Variants in ERBB4 observed in about 807,000 individuals in gnomAD.
ERBB4 encodes the protein erb-b2 receptor tyrosine kinase 4.
In ERBB4, 42 loss-of-function variants were observed where a neutral mutation model predicts 158.0. That is an observed-to-expected ratio of 0.27 (90% confidence interval 0.21 to 0.34). ERBB4 has a LOEUF of 0.34. ERBB4 is among the 10% of genes least tolerant of loss of function. ERBB4 has a pLI of 1.00. For synonymous variants in ERBB4, 583 were observed against 558.7 expected (o/e 1.04, Z -0.61); for missense variants, 1,333 against 1,624.1 (o/e 0.82, Z 3.08).
intron 3 of ERBB4, among the ~76,000 whole-genome samples, chr2:211,922,038 A>G (rs569635964): frequency 2.0e-5 from 3 of 152,224 alleles, no homozygotes; most frequent in African/African-American, 7.2e-5. Flanking sequence ...TTTGAGGAAT[A>G]AATAGGAGTT....
chr2:212,293,870 AAAAC>A (rs1400818077), intron 1 of ERBB4, among the ~76,000 whole-genome samples: 38 of 146,676 alleles, frequency 2.6e-4, no homozygotes, highest in African/African-American at 6.1e-4. Context: ...AAAAAAAAAA[AAAAC>A]ATACATTTGT....
intron 1 of ERBB4, among the ~76,000 whole-genome samples, chr2:212,218,417 G>T (rs535541466): frequency 6.6e-6 from 1 of 151,322 alleles, no homozygotes; most frequent in East Asian, 1.9e-4. Context: ...TTGTCTGTCT[G>T]TTTGTTTGTG....
intron 1 of ERBB4, among the ~76,000 whole-genome samples, chr2:212,485,498 G>A (rs1171562233): frequency 6.6e-6 from 1 of 152,160 alleles, no homozygotes; most frequent in East Asian, 1.9e-4. Context: ...GAACTAACCA[G>A]AAAGAGAATA....
intron 1 of ERBB4, among the ~76,000 whole-genome samples, chr2:212,323,105 A>T (rs932291782): frequency 3.3e-5 from 5 of 150,596 alleles, no homozygotes; most frequent in African/African-American, 1.2e-4. Flanking sequence ...AATGAAAGCA[A>T]ATTTAAGAAT....
At chr2:212,113,615 T>C (rs1367826234) in intron 2 of ERBB4, among the ~76,000 whole-genome samples, 1 of 118,520 alleles carries the variant, frequency 8.4e-6, no homozygotes, top group Admixed American at 9.1e-5. Flanking sequence ...GAATTGGACA[T>C]AAGGGATTTG....
intron 4 of ERBB4, among the ~76,000 whole-genome samples, chr2:211,756,542 T>C (rs1179032161): frequency 6.6e-6 from 1 of 152,302 alleles, no homozygotes; most frequent in South Asian, 2.1e-4. Flanking sequence ...ATGGGTATTA[T>C]GGAGTTGGCC....
intron 2 of ERBB4, among the ~76,000 whole-genome samples, chr2:211,971,594 C>T (rs1052917439): frequency 6.6e-6 from 1 of 151,996 alleles, no homozygotes; most frequent in African/African-American, 2.4e-5. Flanking sequence ...GGCAGAGACA[C>T]ACGCAAAAAA....
intron 1 of ERBB4, among the ~76,000 whole-genome samples, chr2:212,262,180 A>T (rs1161806728): frequency 6.6e-6 from 1 of 152,192 alleles, no homozygotes; most frequent in Non-Finnish European, 1.5e-5. Context: ...AATCATTCAA[A>T]TCATAAAAGT....
intron 1 of ERBB4, among the ~76,000 whole-genome samples, chr2:212,232,450 C>A (rs574635128): frequency 2.8e-4 from 43 of 152,098 alleles, no homozygotes; most frequent in African/African-American, 1.0e-3. Context: ...GCTCTGTAAC[C>A]CAGGCTGGAG....
intron 2 of ERBB4, among the ~76,000 whole-genome samples, chr2:212,068,270 T>C (rs1474267700): frequency 2.6e-5 from 4 of 152,002 alleles, no homozygotes; most frequent in Non-Finnish European, 4.4e-5. Context: ...AACCTATAAA[T>C]GGCAACTGAG....
chr2:212,211,042 C>T (rs2082917344), intron 1 of ERBB4, among the ~76,000 whole-genome samples: 1 of 152,048 alleles, frequency 6.6e-6, no homozygotes, highest in South Asian at 2.1e-4. Flanking sequence ...TGTTTTCCAA[C>T]CCAGTAAGCT....
At chr2:211,972,189 C>A (rs1481482523) in intron 2 of ERBB4, among the ~76,000 whole-genome samples, 1 of 151,742 alleles carries the variant, frequency 6.6e-6, no homozygotes, top group Non-Finnish European at 1.5e-5. Context: ...ATGAATACAG[C>A]TGACTAGGTA....
rs1422294271 is a variant in ERBB4 at position 211,534,318 on chromosome 2, GTAAA to G, written c.2487+27581_2487+27584del. On this transcript the variant is annotated intron_variant, in intron 20 of 27. Transcript: ENST00000342788. The stretch of plus-strand genomic sequence containing the variant: ...AGATAAGTGGGTGTTCTGCGTGCTA[GTAAA>G]CAACATGGTCAACTCGGGAGAAAAC... 2.6e-5 allele frequency among the ~76,000 whole-genome samples: 4 copies of G among 152,078 alleles called. 1 individual carries two copies. Among genetic ancestry groups the G allele is most frequent in the African/African-American group, 9.7e-5 (4 of 41,438 alleles).
chr2:212,263,263 G>A (rs2085010074), intron 1 of ERBB4, among the ~76,000 whole-genome samples: 1 of 152,022 alleles, frequency 6.6e-6, no homozygotes, highest in Non-Finnish European at 1.5e-5. Context: ...GGGACTTCTG[G>A]CTTCCAGAAC....
chr2:211,591,764 A>G (rs2068473401), intron 19 of ERBB4, among the ~76,000 whole-genome samples: 1 of 152,222 alleles, frequency 6.6e-6, no homozygotes, highest in Non-Finnish European at 1.5e-5. Context: ...TGACAAGTTG[A>G]AAGTTTCCAG....
intron 2 of ERBB4, among the ~76,000 whole-genome samples, chr2:212,078,256 G>A (rs1232408613): frequency 6.6e-6 from 1 of 151,792 alleles, no homozygotes; most frequent in African/African-American, 2.4e-5. Context: ...TAATGTTTTA[G>A]TTTCATTTTT....
chr2:211,856,995 T>C (rs1467363704), intron 3 of ERBB4, among the ~76,000 whole-genome samples: 1 of 152,140 alleles, frequency 6.6e-6, no homozygotes, highest in Non-Finnish European at 1.5e-5. Flanking sequence ...AAAAAGTTAT[T>C]ATATGTAATA....
chr2:212,382,967 G>A (rs1399425141), intron 1 of ERBB4, among the ~76,000 whole-genome samples: 1 of 150,830 alleles, frequency 6.6e-6, no homozygotes, highest in East Asian at 1.9e-4. Flanking sequence ...GTGAACAAGT[G>A]GCATTTTTTT....
At chr2:211,593,309 T>G (rs1027011035) in intron 19 of ERBB4, among the ~76,000 whole-genome samples, 3 of 152,122 alleles carry the variant, frequency 2.0e-5, no homozygotes, top group African/African-American at 7.2e-5. Context: ...GGGAGTAAAA[T>G]AAATGTAAGG....
Sources: gnomAD v4.1 joint callset for allele counts (sites outside exome capture counted in the v4.1 genomes callset) on GRCh38, gnomAD v4.1.1 for gene constraint, MANE v1.5 for transcripts, NCBI Gene and HGNC (gene_info 2026-07-23, HGNC 2026-07-21) for gene names.